The following TEX2 variants were observed in gnomAD, a reference collection of about 807,000 sequenced individuals.
TEX2 encodes the protein testis-expressed protein 2.
Under a neutral mutation model 106.9 loss-of-function variants are expected in TEX2, and 53 were observed. That is an observed-to-expected ratio of 0.50 (90% CI 0.40 to 0.62). The LOEUF is 0.62. Ranked by LOEUF, TEX2 falls within the 20% of genes least tolerant of loss-of-function variation. The probability of loss-of-function intolerance (pLI) is 0.00; values close to 1 mark genes in which losing one functional copy is unlikely to be tolerated. For missense variants in TEX2, 1,207 were observed against 1,379.0 expected, an observed-to-expected ratio of 0.88 and a Z score of 1.98; for synonymous variants, 523 against 534.8, an observed-to-expected ratio of 0.98 and a Z score of 0.30.
chr17:64,206,841 G>A (rs1430059821), intron 2 of TEX2, among the ~76,000 whole-genome samples: 1 of 152,118 alleles, frequency 6.6e-6, no homozygotes, highest in Non-Finnish European at 1.5e-5. Flanking sequence ...TGGGATTACA[G>A]GCGTGAGCCA....
At position 64,214,212 on chromosome 17, in the gene TEX2, T is replaced by G; in HGVS notation, c.6A>C (p.Thr2=). Residue 2 remains threonine (T), a synonymous_variant, in exon 2 of 12, where the codon ACA becomes ACC. Coordinates refer to ENST00000584379, the MANE Select transcript of TEX2 (RefSeq NM_001288732.2). ...TCTCGGCATGGCGACCATACAGACT[T>G]GTCATTGCCGGCTTCACAAGGGCTC... M[T]SLYGRHAEKT... 1 of 1,610,652 alleles carries G rather than the reference T, an allele frequency of 6.2e-7. No homozygotes were observed. The highest frequency in any genetic ancestry group is 8.5e-7 in the Non-Finnish European group (1 of 1,177,148).
intron 1 of TEX2, among the ~76,000 whole-genome samples, chr17:64,235,067 G>T (rs1202062669): frequency 6.6e-6 from 1 of 152,064 alleles, no homozygotes; most frequent in Non-Finnish European, 1.5e-5. Context: ...TGTATCAGAG[G>T]GACCCTGAAC....
At chr17:64,200,131 GA>G (rs1181925199) in intron 2 of TEX2, among the ~76,000 whole-genome samples, 8 of 152,090 alleles carry the variant, frequency 5.3e-5, no homozygotes, top group African/African-American at 1.4e-4. Context: ...GGAGGCTTTT[GA>G]AAAACTCATA....
At chr17:64,154,014 C>T (rs2143608222) in intron 9 of TEX2, among the ~76,000 whole-genome samples, 1 of 152,298 alleles carries the variant, frequency 6.6e-6, no homozygotes, top group South Asian at 2.1e-4. Flanking sequence ...TATCAGGTCA[C>T]ATGTACCATG....
intron 5 of TEX2, among the ~76,000 whole-genome samples, chr17:64,181,472 CAAAAAAA>C (rs759988777): frequency 0.33 from 8,091 of 24,776 alleles, 319 homozygotes; most frequent in Non-Finnish European, 0.38. Context: ...AAGGCTATCT[CAAAAAAA>C]AAAAAAAAAA....
chr17:64,180,497 T>C (rs1231219198), intron 5 of TEX2, among the ~76,000 whole-genome samples: 1 of 152,212 alleles, frequency 6.6e-6, no homozygotes, highest in Non-Finnish European at 1.5e-5. Flanking sequence ...AGAACATCGA[T>C]AATGCATCAA....
At chr17:64,256,540 C>A (rs967725757) in intron 1 of TEX2, among the ~76,000 whole-genome samples, 2 of 152,142 alleles carry the variant, frequency 1.3e-5, no homozygotes, top group African/African-American at 4.8e-5. Flanking sequence ...TGCCCAAGAC[C>A]CCCAGTTGCT....
In TEX2 at chr17:64,205,967, T is replaced by A. The variant is rs1307352023; in HGVS notation, c.1644+6607A>T. On this transcript the variant is annotated intron_variant, in intron 2 of 11. Coordinates refer to ENST00000584379, the MANE Select transcript of TEX2 (RefSeq NM_001288732.2). This position sits in a 1 kb window ranked among gnomAD's most constrained non-coding sequence, Gnocchi z 4.0. ...ATAATTCAAAATTGCATCTGAGTCA[T>A]ATACTCAAACATAAATCCAAGACCC... 6.6e-5 allele frequency among the ~76,000 whole-genome samples: 10 copies of A among 152,218 alleles called. No homozygotes were observed. Among genetic ancestry groups the A allele is most frequent in the African/African-American group, 2.4e-4 (10 of 41,458 alleles).
intron 5 of TEX2, among the ~76,000 whole-genome samples, chr17:64,178,049 C>A (rs542550007): frequency 7.2e-5 from 11 of 152,296 alleles, no homozygotes; most frequent in African/African-American, 2.6e-4. Flanking sequence ...AATGAACAGG[C>A]AAGACGATGA....
chr17:64,170,983 C>T, intron 7 of TEX2, 117 bp downstream of exon 7: 1 of 794,032 alleles, frequency 1.3e-6, no homozygotes, highest in Non-Finnish European at 2.1e-6. Flanking sequence ...AGACACTCAA[C>T]ATGAAACAGA....
intron 4 of TEX2, among the ~76,000 whole-genome samples, chr17:64,193,313 CAT>C (rs1389764510): frequency 2.6e-5 from 4 of 152,186 alleles, no homozygotes; most frequent in Non-Finnish European, 2.9e-5. Flanking sequence ...ACAAATAAAA[CAT>C]AACCAGCAAA....
At position 64,154,934 on chromosome 17, in the gene TEX2, G is replaced by A. The variant is rs376896851; in HGVS notation, c.2838C>T (p.Ser946=). ...AGCCAGCGCTGGAGGATTCCTCATCGCTGTCCGCCAGACAGAATGCCCGGG... is the reference window on the plus strand; with the variant it reads ...AGCCAGCGCTGGAGGATTCCTCATCACTGTCCGCCAGACAGAATGCCCGGG... The part of the protein sequence containing the change: ...CRPRAFCLAD[S]DEESSSAGSS... Residue 946 remains serine, a synonymous_variant, in exon 9 of 12, where the codon AGC becomes AGT. Transcript: ENST00000584379. 5.1e-5 allele frequency: 82 copies of A among 1,605,028 alleles called. 1 individual carries two copies. The highest frequency in any genetic ancestry group is 6.4e-5 in the Non-Finnish European group (75 of 1,177,556).
At chr17:64,194,857 T>C in intron 3 of TEX2, 38 bp downstream of exon 3, 2 of 1,597,408 alleles carry the variant, frequency 1.3e-6, no homozygotes, top group Non-Finnish European at 1.7e-6. Flanking sequence ...ATGCTTTTCA[T>C]TCATCTAAGC....
intron 1 of TEX2, among the ~76,000 whole-genome samples, chr17:64,238,859 GT>G (rs1344293342): frequency 6.6e-6 from 1 of 152,136 alleles, no homozygotes; most frequent in Non-Finnish European, 1.5e-5. Context: ...AAAAATAACT[GT>G]TCCTTAAAAT....
At chr17:64,233,201 C>T (rs1598211857) in intron 1 of TEX2, among the ~76,000 whole-genome samples, 1 of 152,260 alleles carries the variant, frequency 6.6e-6, no homozygotes, top group South Asian at 2.1e-4. Context: ...ACACACATAC[C>T]CTGCCCCGGG....
intron 1 of TEX2, among the ~76,000 whole-genome samples, chr17:64,251,585 G>T (rs1477505968): frequency 6.6e-6 from 1 of 152,142 alleles, no homozygotes; most frequent in Non-Finnish European, 1.5e-5. Context: ...AAGTTCCCGG[G>T]GAAGACCCAG....
At chr17:64,225,276 A>C (rs1344447494) in intron 1 of TEX2, among the ~76,000 whole-genome samples, 1 of 152,082 alleles carries the variant, frequency 6.6e-6, no homozygotes, top group Non-Finnish European at 1.5e-5. Context: ...ATACAGCGAG[A>C]CACTATCTCT....
intron 2 of TEX2, among the ~76,000 whole-genome samples, chr17:64,196,982 A>ATTTTTTTT (rs59960456): frequency 0.17 from 10,566 of 63,266 alleles, 2,016 homozygotes; most frequent in East Asian, 0.45. Context: ...TCAAATCAAG[A>ATTTTTTTT]TTTTTTTTTT....
At chr17:64,197,715 C>A (rs907368915) in intron 2 of TEX2, among the ~76,000 whole-genome samples, 5 of 152,130 alleles carry the variant, frequency 3.3e-5, no homozygotes, top group African/African-American at 1.2e-4. Flanking sequence ...CGTGTCACTA[C>A]ACCAAGCTAA....
Sources: gnomAD v4.1 joint callset for allele counts (sites outside exome capture counted in the v4.1 genomes callset) on GRCh38, gnomAD v4.1.1 for gene constraint, Gnocchi (gnomAD v3.1) non-coding constraint, MANE v1.5 for transcripts, NCBI Gene and HGNC (gene_info 2026-07-23, HGNC 2026-07-21) for gene names.